Variants in NPAS3 observed in about 807,000 individuals in gnomAD.
NPAS3 encodes neuronal PAS domain protein 3.
NPAS3 carries 14 observed loss-of-function variants against 73.1 expected under a neutral mutation model. That is an observed-to-expected ratio of 0.19 (90% CI 0.13 to 0.30). NPAS3 has a LOEUF of 0.30. Ranked by LOEUF, NPAS3 falls within the 10% of genes least tolerant of loss-of-function variation. The pLI, the probability that NPAS3 is intolerant of heterozygous loss-of-function variation, is 1.00. For synonymous variants in NPAS3, 620 were observed against 541.5 expected (o/e 1.14, Z -2.01); for missense variants, 1,096 against 1,250.0 (o/e 0.88, Z 1.86).
intron 3 of NPAS3, among the ~76,000 whole-genome samples, chr14:33,260,840 G>A (rs1330972281): frequency 5.9e-5 from 9 of 151,958 alleles, no homozygotes; most frequent in Non-Finnish European, 2.9e-5. Flanking sequence ...TTTCTTTCCA[G>A]AAACCTACAA....
exon 11 of NPAS3, chr14:33,797,516 A>AAACTTCCGAATCCTCGGAGAC (rs1284037023): frequency 6.2e-7 from 1 of 1,614,076 alleles, no homozygotes; most frequent in African/African-American, 1.3e-5. Context: ...CTGCCGGAGA[A>AAACTTCCGAATCCTCGGAGAC]AACTTCCGAA....
At chr14:33,482,899 T>TA (rs2051399616) in intron 4 of NPAS3, among the ~76,000 whole-genome samples, 1 of 152,224 alleles carries the variant, frequency 6.6e-6, no homozygotes, top group South Asian at 2.1e-4. Flanking sequence ...TAAACATTTT[T>TA]AAATATGCTA....
upstream of NPAS3, among the ~76,000 whole-genome samples, chr14:32,936,371 T>C (rs1351479552): frequency 1.3e-5 from 2 of 152,210 alleles, no homozygotes; most frequent in Non-Finnish European, 2.9e-5. Flanking sequence ...CAAAGGGATT[T>C]TTGATTTAAA....
At chr14:33,665,807 T>G (rs546460852) in intron 5 of NPAS3, among the ~76,000 whole-genome samples, 1 of 152,250 alleles carries the variant, frequency 6.6e-6, no homozygotes, top group African/African-American at 2.4e-5. Context: ...CTCTAATTAA[T>G]TAATTAATTA....
intron 2 of NPAS3, among the ~76,000 whole-genome samples, chr14:33,062,818 A>C (rs2041155917): frequency 6.6e-6 from 1 of 152,250 alleles, no homozygotes; most frequent in Non-Finnish European, 1.5e-5. Context: ...TAGAAATACT[A>C]CAGCAAACTT....
intron 5 of NPAS3, among the ~76,000 whole-genome samples, chr14:33,619,668 G>A (rs368673505): frequency 7.2e-5 from 11 of 152,280 alleles, no homozygotes; most frequent in African/African-American, 2.4e-4. Flanking sequence ...TGATAAAATA[G>A]AACTGAAGGG....
intron 2 of NPAS3, among the ~76,000 whole-genome samples, chr14:33,064,727 T>C (rs1321289953): frequency 6.6e-6 from 1 of 152,196 alleles, no homozygotes; most frequent in Non-Finnish European, 1.5e-5. Flanking sequence ...AGAAAGAACA[T>C]CAATGTTTTT....
intron 4 of NPAS3, among the ~76,000 whole-genome samples, chr14:33,453,970 G>GT (rs1162889741): frequency 6.6e-6 from 1 of 152,206 alleles, no homozygotes; most frequent in African/African-American, 2.4e-5. Flanking sequence ...GAACACAGGC[G>GT]TGAGCCACCA....
chr14:33,568,985 A>G (rs1162998818), intron 5 of NPAS3, among the ~76,000 whole-genome samples: 1 of 152,182 alleles, frequency 6.6e-6, no homozygotes, highest in African/African-American at 2.4e-5. Context: ...CTTTTGATGC[A>G]TTTTTGTGTG....
At chr14:33,759,623 A>C (rs958074987) in intron 7 of NPAS3, among the ~76,000 whole-genome samples, 3 of 152,192 alleles carry the variant, frequency 2.0e-5, no homozygotes, top group Non-Finnish European at 4.4e-5. Flanking sequence ...GTGCTTTGGA[A>C]ATAATGTTTT....
intron 6 of NPAS3, among the ~76,000 whole-genome samples, chr14:33,683,850 G>A (rs2060010372): frequency 6.6e-6 from 1 of 152,202 alleles, no homozygotes; most frequent in South Asian, 2.1e-4. Flanking sequence ...CGCTTACCCA[G>A]GCCACTGTGA....
At chr14:33,431,147 G>A (rs982891984) in intron 4 of NPAS3, among the ~76,000 whole-genome samples, 5 of 152,130 alleles carry the variant, frequency 3.3e-5, no homozygotes, top group Non-Finnish European at 5.9e-5. Flanking sequence ...TACCGTGTTG[G>A]TTGATTACTT....
chr14:33,068,347 C>A (rs935697733), intron 2 of NPAS3, among the ~76,000 whole-genome samples: 1 of 152,210 alleles, frequency 6.6e-6, no homozygotes. Flanking sequence ...TCCATTCATT[C>A]TTGTTAGGCA....
chr14:33,684,226 G>GT (rs1474041294), intron 6 of NPAS3, among the ~76,000 whole-genome samples: 1 of 70,608 alleles, frequency 1.4e-5, no homozygotes, highest in Non-Finnish European at 2.7e-5. Flanking sequence ...TTGTGCTGTG[G>GT]GTTTTTTTTT....
At chr14:33,574,483 G>C (rs1309440821) in intron 5 of NPAS3, among the ~76,000 whole-genome samples, 1 of 152,084 alleles carries the variant, frequency 6.6e-6, no homozygotes, top group Admixed American at 6.5e-5. Flanking sequence ...TGAAGGCTGG[G>C]GCCAAAATGC....
Position 33,792,578 on chromosome 14 carries a change from C to T in NPAS3, c.1154-1319C>T, listed in dbSNP as rs549030119. ...CTTCCCTTCACACCCATCCACCCCC[C>T]TCCAAAAAAAAAAAAAAAAAAAATC... On this transcript the variant is annotated intron_variant, in intron 9 of 11. Transcript: ENST00000356141. Among the ~76,000 whole-genome samples, 3 of 100,290 alleles carry T rather than the reference C, an allele frequency of 3.0e-5. No homozygotes were observed. In the East Asian group the frequency reaches 1.0e-3, roughly 35 times the overall value. 65.8% of individuals were successfully genotyped at this position (100,290 alleles called of 152,430 possible). A position where few individuals can be genotyped will look rare whatever the true frequency, so the allele number is the denominator to read the frequency against.
chr14:33,783,271 G>A (rs1034459553), intron 9 of NPAS3, among the ~76,000 whole-genome samples: 4 of 152,298 alleles, frequency 2.6e-5, no homozygotes, highest in African/African-American at 9.6e-5. Context: ...TGGGCCAAAT[G>A]CAGATAGCAC....
intron 5 of NPAS3, among the ~76,000 whole-genome samples, chr14:33,606,676 T>C (rs1390653122): frequency 1.3e-5 from 2 of 152,160 alleles, no homozygotes; most frequent in Non-Finnish European, 2.9e-5. Flanking sequence ...TTTGTGACCT[T>C]CGGTTAGATA....
intron 4 of NPAS3, among the ~76,000 whole-genome samples, chr14:33,546,382 A>C (rs1271058807): frequency 6.6e-6 from 1 of 152,208 alleles, no homozygotes; most frequent in African/African-American, 2.4e-5. Flanking sequence ...CTAAGTGTTT[A>C]AGCCTATGAA....
Sources: allele counts gnomAD v4.1 joint callset (sites outside exome capture counted in the v4.1 genomes callset), GRCh38; gene constraint gnomAD v4.1.1; transcripts MANE v1.5; gene names NCBI Gene and HGNC (gene_info 2026-07-23, HGNC 2026-07-21).